Variants in ANKRD44 observed in about 807,000 individuals in gnomAD.
ANKRD44 encodes ankyrin repeat domain 44, also known as serine/threonine-protein phosphatase 6 regulatory ankyrin repeat subunit B.
ANKRD44 carries 35 observed loss-of-function variants against 116.0 expected under a neutral mutation model. That is an observed-to-expected ratio of 0.30 (90% CI 0.23 to 0.40). The LOEUF is 0.40. ANKRD44 is among the 10% of genes least tolerant of loss of function. The probability of loss-of-function intolerance (pLI) is 1.00; values close to 1 mark genes in which losing one functional copy is unlikely to be tolerated. For synonymous variants in ANKRD44, 435 were observed against 461.8 expected (o/e 0.94, Z 0.74); for missense variants, 1,014 against 1,242.6 (o/e 0.82, Z 2.77).
At chr2:197,029,805 C>A in intron 16 of ANKRD44, 1 of 290,652 alleles carries the variant, frequency 3.4e-6, no homozygotes, top group South Asian at 3.2e-5. Context: ...CCTCCTGGGT[C>A]TTCTTGTAGC....
chr2:197,219,489 TA>T (rs2081535382), intron 1 of ANKRD44, among the ~76,000 whole-genome samples: 1 of 152,152 alleles, frequency 6.6e-6, no homozygotes, highest in African/African-American at 2.4e-5. Flanking sequence ...TTGCTTAAAC[TA>T]GTTTGGTGGG....
At chr2:197,142,250 T>C (rs2079385373) in intron 3 of ANKRD44, among the ~76,000 whole-genome samples, 1 of 152,176 alleles carries the variant, frequency 6.6e-6, no homozygotes, top group Non-Finnish European at 1.5e-5. Context: ...AGCCATGTCA[T>C]CTAGAAAGAA....
At chr2:197,225,651 A>G (rs1279453768) in intron 1 of ANKRD44, among the ~76,000 whole-genome samples, 3 of 152,126 alleles carry the variant, frequency 2.0e-5, no homozygotes, top group Admixed American at 1.3e-4. Context: ...GCCAATCTGC[A>G]CTGCATTACA....
At chr2:197,087,491 AT>A (rs559309688) in intron 12 of ANKRD44, among the ~76,000 whole-genome samples, 2 of 152,190 alleles carry the variant, frequency 1.3e-5, no homozygotes, top group Non-Finnish European at 2.9e-5. Flanking sequence ...CAGGTCTGAT[AT>A]TTTTTAAATG....
chr2:196,987,960 G>C lies in ANKRD44; in HGVS notation c.*1631C>G. The C allele has an allele frequency of 1.1e-5, 11 of 985,232 alleles. No homozygotes were observed. Among genetic ancestry groups the C allele is most frequent in the Non-Finnish European group, 1.3e-5 (11 of 829,858 alleles). The allele number at this position is 985,232 out of a possible 1,614,324, so 61.0% of individuals were successfully genotyped here. A position where few individuals can be genotyped will look rare whatever the true frequency, so the allele number is the denominator to read the frequency against. ...TAAAAAAATTTTGCCTTGGGGTATGGGAGAAAGAGAAAGAGAGGAAGAGAG... is the reference window on the plus strand; with the variant it reads ...TAAAAAAATTTTGCCTTGGGGTATGCGAGAAAGAGAAAGAGAGGAAGAGAG... On this transcript the variant is annotated 3_prime_UTR_variant, in exon 28 of 28. Coordinates refer to ENST00000282272, the MANE Select transcript of ANKRD44 (RefSeq NM_001195144.2).
rs766682314 is a variant in ANKRD44 at position 197,005,804 on chromosome 2, C to T, written c.2237G>A (p.Arg746His). 1.5e-5 allele frequency: 25 copies of T among 1,614,156 alleles called. No homozygotes were observed. Among genetic ancestry groups the T allele is most frequent in the Non-Finnish European group, 1.7e-5 (20 of 1,180,056 alleles). Residue 746 changes from arginine to histidine, a missense_variant, in exon 21 of 28, where the codon CGT (arginine) becomes CAT (histidine). Arg to His is a conservative substitution (Grantham distance 29). Coordinates refer to ENST00000282272, the MANE Select transcript of ANKRD44 (RefSeq NM_001195144.2). Reference sequence around the variant, plus strand: ...CTCGCTCAGCCACGTGGCGTGGCCACGAGCAGCTGCATAGTGCAAGGGCGT... The same window carrying T: ...CTCGCTCAGCCACGTGGCGTGGCCATGAGCAGCTGCATAGTGCAAGGGCGT... Reference protein sequence around the residue: ...GRTPLHYAAARGHATWLSELL... With the variant: ...GRTPLHYAAAHGHATWLSELL...
chr2:197,058,817 T>A (rs2077253947), intron 16 of ANKRD44, among the ~76,000 whole-genome samples: 1 of 152,238 alleles, frequency 6.6e-6, no homozygotes, highest in Non-Finnish European at 1.5e-5. Context: ...CTTGACTGCA[T>A]TATGTGACAG....
At position 197,084,559 on chromosome 2, in the gene ANKRD44, G is replaced by A. The variant is rs186608427; in HGVS notation, c.1317-1050C>T. Reference sequence around the variant, plus strand: ...AATCCAAATCCAAATCAGAAGCCCTGGGTTCTGGCATTGGCAGATGTGCAA... The same window carrying A: ...AATCCAAATCCAAATCAGAAGCCCTAGGTTCTGGCATTGGCAGATGTGCAA... On this transcript the variant is annotated intron_variant, in intron 13 of 27. Coordinates refer to ENST00000282272, the MANE Select transcript of ANKRD44 (RefSeq NM_001195144.2). Among the ~76,000 whole-genome samples, 7 of 152,238 alleles carry A rather than the reference G, an allele frequency of 4.6e-5. No individual in the cohort carries two copies. The East Asian group carries it at 1.4e-3, about 29-fold the overall frequency.
intron 1 of ANKRD44, among the ~76,000 whole-genome samples, chr2:197,207,889 T>A (rs1011988205): frequency 2.0e-5 from 3 of 152,200 alleles, no homozygotes; most frequent in Admixed American, 6.5e-5. Flanking sequence ...ACCAGCTTTT[T>A]AAAAATGTAC....
intron 1 of ANKRD44, among the ~76,000 whole-genome samples, chr2:197,211,992 A>G (rs1482226556): frequency 6.6e-6 from 1 of 151,850 alleles, no homozygotes; most frequent in Non-Finnish European, 1.5e-5. Flanking sequence ...ATCAACAGTA[A>G]GCTCATGCAC....
At chr2:197,086,147 T>TG (rs1196836372) in intron 13 of ANKRD44, among the ~76,000 whole-genome samples, 3 of 147,188 alleles carry the variant, frequency 2.0e-5, no homozygotes, top group Non-Finnish European at 4.6e-5. Context: ...AGAGATGCAA[T>TG]GGGAAAAAAA....
intron 1 of ANKRD44, among the ~76,000 whole-genome samples, chr2:197,226,224 T>C (rs953955431): frequency 1.3e-5 from 2 of 152,178 alleles, no homozygotes; most frequent in Non-Finnish European, 2.9e-5. Flanking sequence ...TGTCTTAGAG[T>C]TGATCCTACT....
At chr2:197,231,311 T>A (rs141654436) in intron 1 of ANKRD44, among the ~76,000 whole-genome samples, 1 of 152,116 alleles carries the variant, frequency 6.6e-6, no homozygotes, top group African/African-American at 2.4e-5. Context: ...GTATCTATAG[T>A]GCCAGCTAAT....
intron 1 of ANKRD44, among the ~76,000 whole-genome samples, chr2:197,268,614 A>G (rs1467674221): frequency 6.6e-6 from 1 of 152,220 alleles, no homozygotes; most frequent in Non-Finnish European, 1.5e-5. Flanking sequence ...CTCTGGAATG[A>G]TCTGATTCCA....
chr2:197,263,732 C>T (rs565276276), intron 1 of ANKRD44, among the ~76,000 whole-genome samples: 75 of 152,248 alleles, frequency 4.9e-4, no homozygotes, highest in African/African-American at 1.8e-3. Flanking sequence ...CACAGCAGTA[C>T]AGGAACACTG....
chr2:196,998,758 C>T, intron 24 of ANKRD44, 149 bp downstream of exon 24: 1 of 1,092,898 alleles, frequency 9.1e-7, no homozygotes, highest in Non-Finnish European at 1.3e-6. Flanking sequence ...CTGAAAGACG[C>T]TTGAGCAGGT....
At chr2:197,282,888 G>A (rs1301405976) in intron 1 of ANKRD44, among the ~76,000 whole-genome samples, 2 of 152,112 alleles carry the variant, frequency 1.3e-5, no homozygotes, top group East Asian at 3.9e-4. Flanking sequence ...AATCCGGGAG[G>A]TGTCCTCTCT....
At position 197,248,491 on chromosome 2, in the gene ANKRD44, G is replaced by C. The variant is rs139718888; in HGVS notation, c.28-61385C>G. Among the ~76,000 whole-genome samples the C allele has an allele frequency of 7.0e-4, 105 of 150,960 alleles. No individual in the cohort carries two copies. The East Asian group carries it at 0.016, about 23-fold the overall frequency. On this transcript the variant is annotated intron_variant, in intron 1 of 27. Transcript: ENST00000282272. ...TATATATTCCTTATAGTTCCTCCGT[G>C]ATCATGTAAGTTGATTCCTTATAAT...
Position 197,139,648 on chromosome 2 carries a change from G to GAT in ANKRD44, c.191-2988_191-2987dup, listed in dbSNP as rs58422226. Among the ~76,000 whole-genome samples the GAT allele has an allele frequency of 8.6e-3, 1,305 of 151,298 alleles. 26 individuals carry two copies. Among genetic ancestry groups the GAT allele is most frequent in the African/African-American group, 0.029 (1,196 of 41,244 alleles). On this transcript the variant is annotated intron_variant, in intron 3 of 27. Transcript: ENST00000282272. ...ATATATAGATATAGATATAGATATAGATATATATATAGCAAATATGGCAAA... is the reference window on the plus strand; with the variant it reads ...ATATATAGATATAGATATAGATATAGATATATATATATAGCAAATATGGCAAA...
Sources: gnomAD v4.1 joint callset for allele counts (sites outside exome capture counted in the v4.1 genomes callset) on GRCh38, gnomAD v4.1.1 for gene constraint, MANE v1.5 for transcripts, NCBI Gene and HGNC (gene_info 2026-07-23, HGNC 2026-07-21) for gene names.